EML4: variants seen among roughly 807,000 people sequenced by gnomAD.
EML4 encodes the protein EMAP like 4.
A neutral mutation model predicts 129.0 loss-of-function variants in EML4; 72 were observed. That is an observed-to-expected ratio of 0.56 (90% CI 0.46 to 0.68). The LOEUF (loss-of-function observed/expected upper bound fraction) is 0.68. Ranked by LOEUF, EML4 falls within the 30% of genes least tolerant of loss-of-function variation. The pLI is 0.00. For synonymous variants in EML4, 532 were observed against 405.0 expected (o/e 1.31, Z -3.77); for missense variants, 1,363 against 1,190.6 (o/e 1.14, Z -2.13).
intron 1 of EML4, among the ~76,000 whole-genome samples, chr2:42,218,394 A>T (rs1673338570): frequency 6.6e-6 from 1 of 152,114 alleles, no homozygotes; most frequent in South Asian, 2.1e-4. Context: ...TGTAATAATA[A>T]TATAAAGTGC....
chr2:42,294,569 G>C (rs13010778), intron 11 of EML4, among the ~76,000 whole-genome samples: 37,845 of 151,822 alleles, frequency 0.25, 5,622 homozygotes, highest in East Asian at 0.56. Context: ...GGTGGTGGGC[G>C]CCTGTGGTCC....
intron 1 of EML4, among the ~76,000 whole-genome samples, chr2:42,206,990 T>C (rs1287001695): frequency 6.6e-6 from 1 of 152,178 alleles, no homozygotes; most frequent in Non-Finnish European, 1.5e-5. Context: ...GGCAGTTTTA[T>C]AGGGATCTAT....
intron 1 of EML4, among the ~76,000 whole-genome samples, chr2:42,188,461 A>G (rs967580039): frequency 6.6e-6 from 1 of 151,702 alleles, no homozygotes. Context: ...GGCTGAAGTG[A>G]TCCGCCAGTC....
chr2:42,194,591 A>G (rs375392404), intron 1 of EML4, among the ~76,000 whole-genome samples: 1 of 150,426 alleles, frequency 6.6e-6, no homozygotes, highest in African/African-American at 2.4e-5. Context: ...GTGATGCCCA[A>G]CCTCCACCTC....
At chr2:42,175,324 A>G (rs1670538475) in intron 1 of EML4, among the ~76,000 whole-genome samples, 1 of 151,348 alleles carries the variant, frequency 6.6e-6, no homozygotes, top group Admixed American at 6.6e-5. Flanking sequence ...TGTGTTAGCC[A>G]GGATGGTTGT....
intron 1 of EML4, among the ~76,000 whole-genome samples, chr2:42,189,835 GA>G (rs566693753): frequency 6.6e-5 from 10 of 152,142 alleles, no homozygotes; most frequent in Non-Finnish European, 1.2e-4. Flanking sequence ...ACTGAAGAAA[GA>G]GTGTTTTATG....
intron 1 of EML4, among the ~76,000 whole-genome samples, chr2:42,178,625 C>G (rs1670756449): frequency 6.6e-6 from 1 of 152,148 alleles, no homozygotes; most frequent in Non-Finnish European, 1.5e-5. Context: ...TGAGAGATCC[C>G]TGGGAGCCAA....
intron 1 of EML4, among the ~76,000 whole-genome samples, chr2:42,173,771 G>T (rs1355379590): frequency 1.3e-5 from 2 of 152,170 alleles, no homozygotes; most frequent in Non-Finnish European, 2.9e-5. Context: ...TTGAGCACAG[G>T]AGTTGAAGGT....
intron 1 of EML4, among the ~76,000 whole-genome samples, chr2:42,244,047 G>T (rs1304803773): frequency 6.6e-6 from 1 of 151,296 alleles, no homozygotes; most frequent in Non-Finnish European, 1.5e-5. Flanking sequence ...TATACTGAAT[G>T]AACCAATAGC....
chr2:42,319,959 G>T (rs1558609629), intron 19 of EML4: 1 of 152,160 alleles, frequency 6.6e-6, no homozygotes, highest in Non-Finnish European at 1.5e-5. Context: ...AATTATAAAT[G>T]TCTCTAATAA....
In EML4 at chr2:42,283,285, C is replaced by G. The variant is rs146555668; in HGVS notation, c.941+313C>G. On this transcript the variant is annotated intron_variant, in intron 8 of 22. Coordinates refer to ENST00000318522, the MANE Select transcript of EML4 (RefSeq NM_019063.5). ...ATATATGGGACAGACTGGACATTTT[C>G]AGGTTTCTGAAAGTGATTATTGGTT... Among the ~76,000 whole-genome samples the G allele has an allele frequency of 1.8e-3, 277 of 152,196 alleles. 6 individuals are homozygous for G. The East Asian group carries it at 0.026, about 14-fold the overall frequency.
At chr2:42,238,824 C>T (rs116313926) in intron 1 of EML4, among the ~76,000 whole-genome samples, 1,742 of 152,226 alleles carry the variant, frequency 0.011, 31 homozygotes, top group African/African-American at 0.04. Flanking sequence ...TGCTCTGTCA[C>T]GCAGACTTGA....
chr2:42,272,755 G>A (rs1040050340), intron 6 of EML4, among the ~76,000 whole-genome samples: 78 of 152,218 alleles, frequency 5.1e-4, no homozygotes, highest in African/African-American at 1.7e-3. Flanking sequence ...CAATAAATAC[G>A]TATAAGATTA....
chr2:42,255,109 G>A (rs747553355), intron 2 of EML4, among the ~76,000 whole-genome samples: 17 of 151,348 alleles, frequency 1.1e-4, no homozygotes, highest in South Asian at 2.1e-4. Flanking sequence ...TCTTTGAGAC[G>A]GAGTCTTGCT....
At chr2:42,302,581 T>C (rs951479197) in intron 14 of EML4, among the ~76,000 whole-genome samples, 4 of 151,786 alleles carry the variant, frequency 2.6e-5, no homozygotes, top group South Asian at 2.1e-4. Flanking sequence ...TCGCCCAGGC[T>C]GGAATACAGT....
intron 21 of EML4, 26 bp downstream of exon 21, chr2:42,326,278 G>C (rs1669807566): frequency 2.0e-6 from 3 of 1,528,022 alleles, no homozygotes; most frequent in Non-Finnish European, 2.7e-6. Context: ...CTGATGTAAA[G>C]AAGTGGTTTG....
intron 1 of EML4, among the ~76,000 whole-genome samples, chr2:42,189,457 G>C (rs568805830): frequency 2.6e-5 from 4 of 152,156 alleles, no homozygotes; most frequent in Admixed American, 2.6e-4. Context: ...GTGCATATCT[G>C]CAGTCCCTGT....
At chr2:42,281,225 C>G (rs1666986427) in intron 7 of EML4, among the ~76,000 whole-genome samples, 2 of 152,020 alleles carry the variant, frequency 1.3e-5, no homozygotes, top group South Asian at 2.1e-4. Flanking sequence ...AACCCCATCT[C>G]TACTAAAGAT....
intron 1 of EML4, among the ~76,000 whole-genome samples, chr2:42,221,427 T>TTTTTTTTTTTTTTTA (rs1673589875): frequency 7.5e-6 from 1 of 132,506 alleles, no homozygotes; most frequent in African/African-American, 3.0e-5. Context: ...TTTTTTTTTT[T>TTTTTTTTTTTTTTTA]GAGACAGGAC....
Sources: gnomAD v4.1 joint callset for allele counts (sites outside exome capture counted in the v4.1 genomes callset) on GRCh38, gnomAD v4.1.1 for gene constraint, MANE v1.5 for transcripts, NCBI Gene and HGNC (gene_info 2026-07-23, HGNC 2026-07-21) for gene names.